ZFAT: variants seen among roughly 807,000 people sequenced by gnomAD.
ZFAT encodes the protein zinc finger and AT-hook domain containing, also known as zinc finger protein ZFAT.
Under a neutral mutation model 117.7 loss-of-function variants are expected in ZFAT, and 64 were observed. The ratio of observed to expected loss-of-function variants is 0.54; its 90% CI spans 0.44 to 0.67. The LOEUF (loss-of-function observed/expected upper bound fraction) is 0.67, where lower values mean the gene tolerates loss of function less well. Among genes scored for constraint, ZFAT ranks in the 30% least tolerant of loss-of-function variants. The pLI, the probability that ZFAT is intolerant of heterozygous loss-of-function variation, is 0.00. For synonymous variants in ZFAT, 679 were observed against 615.0 expected, an observed-to-expected ratio of 1.10 and a Z score of -1.54; for missense variants, 1,433 against 1,584.5, an observed-to-expected ratio of 0.90 and a Z score of 1.62.
chr8:134,818,083 C>CA, the ZFAT span, among the ~76,000 whole-genome samples: 23 of 150,478 alleles, frequency 1.5e-4, no homozygotes, highest in African/African-American at 2.9e-4. Context: ...TTGAATTACG[C>CA]AAAAAAAACA....
chr8:134,485,930 C>A (rs1817625658), intron 15 of ZFAT, among the ~76,000 whole-genome samples: 1 of 152,210 alleles, frequency 6.6e-6, no homozygotes, highest in Admixed American at 6.5e-5. Context: ...GTGCGAAGAA[C>A]CTCCTGGTGC....
chr8:134,722,658 G>A, the ZFAT span, among the ~76,000 whole-genome samples: 2 of 152,222 alleles, frequency 1.3e-5, no homozygotes, highest in African/African-American at 4.8e-5. Context: ...AGGGGAGGGA[G>A]TTGTCTAAGG....
At chr8:134,750,685 GA>G in the ZFAT span, among the ~76,000 whole-genome samples, 369 of 152,316 alleles carry the variant, frequency 2.4e-3, 1 homozygote, top group Middle Eastern at 6.8e-3. Context: ...AGGATTGCTT[GA>G]GCCTGGGATG....
chr8:134,755,248 C>CAA, the ZFAT span, among the ~76,000 whole-genome samples: 3 of 114,440 alleles, frequency 2.6e-5, no homozygotes, highest in African/African-American at 1.0e-4. Flanking sequence ...TACTAAAATA[C>CAA]AAAAAAAAAA....
the ZFAT span, among the ~76,000 whole-genome samples, chr8:134,809,486 T>C: frequency 1.3e-5 from 2 of 152,200 alleles, no homozygotes; most frequent in Non-Finnish European, 2.9e-5. Context: ...CTGTGAGGGT[T>C]CCTTGGACAA....
chr8:134,643,936 G>T lies in ZFAT; in HGVS notation c.197-6224C>A, dbSNP rs115023333. On this transcript the variant is annotated intron_variant, in intron 2 of 15. Coordinates refer to ENST00000377838, the MANE Select transcript of ZFAT (RefSeq NM_020863.4). ...GCTGCTGACCAGGGCAGATCAGAGT[G>T]CTCAACATTCGTACATGCACTCAGA... Among the ~76,000 whole-genome samples the T allele has an allele frequency of 2.3e-3, 350 of 152,310 alleles. 1 individual carries two copies. Among genetic ancestry groups the T allele is most frequent in the African/African-American group, 8.2e-3 (339 of 41,560 alleles).
In ZFAT at chr8:134,637,618, C is replaced by T. The variant is rs372041684; in HGVS notation, c.291G>A (p.Pro97=). Reference sequence around the variant, plus strand: ...CCGGAGCCAGCGGGCTGTCCTCAGTCGGACTCACGATGTTTTCTGCCAGCT... The same window carrying T: ...CCGGAGCCAGCGGGCTGTCCTCAGTTGGACTCACGATGTTTTCTGCCAGCT... ...EEELAENIVS[P]TEDSPLAPEE... Residue 97 remains proline, a synonymous_variant, in exon 3 of 16, where the codon CCG becomes CCA. Coordinates refer to ENST00000377838, the MANE Select transcript of ZFAT (RefSeq NM_020863.4). 3.3e-5 allele frequency: 53 copies of T among 1,614,232 alleles called. No homozygotes were observed. Among genetic ancestry groups the T allele is most frequent in the East Asian group, 4.5e-5 (2 of 44,886 alleles).
chr8:134,600,304 C>T, intron 7 of ZFAT, 132 bp downstream of exon 7: 1 of 845,692 alleles, frequency 1.2e-6, no homozygotes. Flanking sequence ...ACGTGCACAG[C>T]TGTGTAAGGA....
intron 1 of ZFAT, among the ~76,000 whole-genome samples, chr8:134,703,258 A>G (rs10087453): frequency 0.91 from 138,064 of 152,300 alleles, 62,867 homozygotes; most frequent in African/African-American, 0.97. Flanking sequence ...TAGTGATATT[A>G]AGCATCTTTT....
In ZFAT at chr8:134,513,837, A is replaced by G. The variant is rs576022080; in HGVS notation, c.3235-1236T>C. Among the ~76,000 whole-genome samples, 15 of 152,366 alleles carry G rather than the reference A, an allele frequency of 9.8e-5. No individual in the cohort carries two copies. In the East Asian group the frequency reaches 2.7e-3, roughly 27 times the overall value. ...AGCATATAATATTCCTTCACAGCCA[A>G]CTGGCCAAGTCCATTTAGGTGTTTC... On this transcript the variant is annotated intron_variant, in intron 13 of 15. Coordinates refer to ENST00000377838, the MANE Select transcript of ZFAT (RefSeq NM_020863.4).
At chr8:134,637,333 T>C (rs749760511) in intron 3 of ZFAT, 128 bp downstream of exon 3, 4 of 1,257,048 alleles carry the variant, frequency 3.2e-6, no homozygotes, top group South Asian at 1.4e-5. Context: ...ATAAGCACTT[T>C]TCCAGATGGG....
chr8:134,552,714 A>G (rs1424534140), intron 11 of ZFAT, among the ~76,000 whole-genome samples: 1 of 152,232 alleles, frequency 6.6e-6, no homozygotes, highest in Non-Finnish European at 1.5e-5. Flanking sequence ...CAGAGGAGTG[A>G]TCTGAGCTAT....
chr8:134,627,994 G>A (rs755929773), intron 3 of ZFAT, among the ~76,000 whole-genome samples: 22 of 152,260 alleles, frequency 1.4e-4, no homozygotes, highest in African/African-American at 3.4e-4. Flanking sequence ...CCAACACACC[G>A]AGGCACGTGC....
At chr8:134,530,635 T>C (rs1160313864) in intron 12 of ZFAT, among the ~76,000 whole-genome samples, 2 of 152,174 alleles carry the variant, frequency 1.3e-5, no homozygotes, top group Non-Finnish European at 2.9e-5. Context: ...CATATATACA[T>C]ACATATGCAT....
At chr8:134,524,341 T>C (rs569430816) in intron 12 of ZFAT, among the ~76,000 whole-genome samples, 78 of 152,208 alleles carry the variant, frequency 5.1e-4, no homozygotes, top group Non-Finnish European at 9.4e-4. Flanking sequence ...GACAACAGGC[T>C]GGGATGCAAG....
upstream of ZFAT, among the ~76,000 whole-genome samples, chr8:134,713,511 G>T (rs1586983344): frequency 6.6e-6 from 1 of 152,186 alleles, no homozygotes; most frequent in Non-Finnish European, 1.5e-5. Context: ...TTTCCTTTGG[G>T]CCACCCGGCT....
intron 11 of ZFAT, among the ~76,000 whole-genome samples, chr8:134,533,564 G>C (rs896547878): frequency 6.6e-6 from 1 of 152,188 alleles, no homozygotes; most frequent in Non-Finnish European, 1.5e-5. Flanking sequence ...TCAGTGATGC[G>C]TCACTGTATT....
chr8:134,512,679 A>G, intron 13 of ZFAT, 78 bp from the exon 14 acceptor site: 1 of 1,536,960 alleles, frequency 6.5e-7, no homozygotes, highest in East Asian at 2.3e-5. Flanking sequence ...ACATACTAAG[A>G]TAGAACAAAC....
intron 11 of ZFAT, among the ~76,000 whole-genome samples, chr8:134,551,509 G>A (rs1410483359): frequency 6.6e-6 from 1 of 152,206 alleles, no homozygotes; most frequent in Non-Finnish European, 1.5e-5. Flanking sequence ...ACGTCTTCTA[G>A]GTAACAGGAG....
Sources: gnomAD v4.1 joint callset for allele counts (sites outside exome capture counted in the v4.1 genomes callset) on GRCh38, gnomAD v4.1.1 for gene constraint, MANE v1.5 for transcripts, NCBI Gene and HGNC (gene_info 2026-07-23, HGNC 2026-07-21) for gene names.